Variants in EML1 observed in about 807,000 individuals in gnomAD.
EML1 encodes echinoderm microtubule-associated protein-like 1.
A neutral mutation model predicts 110.4 loss-of-function variants in EML1; 27 were observed. The ratio of observed to expected loss-of-function variants is 0.24; its 90% CI spans 0.18 to 0.34. The LOEUF is 0.34. Ranked by LOEUF, EML1 falls within the 10% of genes least tolerant of loss-of-function variation. The probability of loss-of-function intolerance (pLI) is 1.00; values close to 1 mark genes in which losing one functional copy is unlikely to be tolerated. For synonymous variants in EML1, 344 were observed against 385.8 expected (o/e 0.89, Z 1.27); for missense variants, 741 against 1,030.9 (o/e 0.72, Z 3.85).
At chr14:99,773,368 A>AG (rs1411472962) in exon 1 of EML1, 1 of 152,254 alleles carries the variant, frequency 6.6e-6, no homozygotes, top group Non-Finnish European at 1.5e-5. Flanking sequence ...TTCTGTAGAC[A>AG]GGCACTGGGG....
chr14:99,935,037 G>C (rs139977468), intron 17 of EML1, among the ~76,000 whole-genome samples: 121 of 152,354 alleles, frequency 7.9e-4, no homozygotes, highest in African/African-American at 2.8e-3. Flanking sequence ...GAGTGCAGAG[G>C]CCTGAGTGAA....
At chr14:99,832,697 C>T (rs1459259702) in intron 1 of EML1, among the ~76,000 whole-genome samples, 1 of 152,126 alleles carries the variant, frequency 6.6e-6, no homozygotes, top group Non-Finnish European at 1.5e-5. Context: ...TCTTTTGCTT[C>T]GTTTTAAAAT....
intron 5 of EML1, among the ~76,000 whole-genome samples, chr14:99,893,174 C>T (rs911866433): frequency 2.0e-5 from 3 of 152,146 alleles, no homozygotes; most frequent in African/African-American, 7.2e-5. Context: ...AGGTCCTGTG[C>T]GGTGAGAGCC....
In EML1 at chr14:99,910,388, A is replaced by G. The variant is rs372862391; in HGVS notation, c.1339+47A>G. 1.4e-5 allele frequency: 21 copies of G among 1,452,180 alleles called. No individual in the cohort carries two copies. The African/African-American group carries it at 3.0e-4, about 21-fold the overall frequency. 90.0% of individuals were successfully genotyped at this position (1,452,180 alleles called of 1,614,324 possible). A position where few individuals can be genotyped will look rare whatever the true frequency, so the allele number is the denominator to read the frequency against. ...AACCAATGGTTTTTGGTAATGTTGTAAGAGATCAAACATGAGTGCTTTAAG... is the reference window on the plus strand; with the variant it reads ...AACCAATGGTTTTTGGTAATGTTGTGAGAGATCAAACATGAGTGCTTTAAG... On this transcript the variant is annotated intron_variant, in intron 12 of 21. Transcript: ENST00000262233.
At chr14:99,825,174 G>A (rs1430346776) in intron 1 of EML1, among the ~76,000 whole-genome samples, 1 of 152,044 alleles carries the variant, frequency 6.6e-6, no homozygotes, top group South Asian at 2.1e-4. Flanking sequence ...TTGTAGAGAT[G>A]GGGGTCTTGC....
At chr14:99,914,417 A>G in intron 14 of EML1, 113 bp downstream of exon 14, 1 of 1,539,496 alleles carries the variant, frequency 6.5e-7, no homozygotes, top group Non-Finnish European at 8.8e-7. Context: ...TCCACCCCAG[A>G]GTGTCTGTGG....
chr14:99,809,581 G>T lies in EML1; in HGVS notation c.67+16038G>T, dbSNP rs115399939. The T allele has an allele frequency of 1.8e-3, 836 of 455,484 alleles. 4 individuals carry two copies. Among genetic ancestry groups the T allele is most frequent in the African/African-American group, 0.015 (749 of 50,190 alleles). 28.2% of individuals were successfully genotyped at this position (455,484 alleles called of 1,614,324 possible). On this transcript the variant is annotated intron_variant, in intron 1 of 21. Transcript: ENST00000262233. ...CTTTCTGGGTCCATCCCAGCCCTGG[G>T]TGTATGGCAGATGCCTTGAGATTTA...
chr14:99,895,073 A>G (rs541120674), intron 6 of EML1, among the ~76,000 whole-genome samples: 19 of 152,050 alleles, frequency 1.2e-4, no homozygotes, highest in African/African-American at 4.1e-4. Context: ...AAGATGTTAT[A>G]TGATTGTATG....
At chr14:99,803,357 A>G (rs771130675) in intron 1 of EML1, among the ~76,000 whole-genome samples, 9 of 152,242 alleles carry the variant, frequency 5.9e-5, no homozygotes, top group South Asian at 2.1e-4. Context: ...CCACATGTGC[A>G]TATAACTGTA....
chr14:99,890,523 C>G (rs1158282406), intron 4 of EML1, among the ~76,000 whole-genome samples: 2 of 152,108 alleles, frequency 1.3e-5, no homozygotes, highest in African/African-American at 4.8e-5. Context: ...GGTGCTTGCT[C>G]CTAGGGATGT....
At chr14:99,874,542 G>A (rs920505691) in intron 3 of EML1, among the ~76,000 whole-genome samples, 2 of 150,966 alleles carry the variant, frequency 1.3e-5, no homozygotes, top group African/African-American at 5.0e-5. Context: ...GTGAGTGTAC[G>A]GTATTGCTCT....
intron 4 of EML1, among the ~76,000 whole-genome samples, chr14:99,884,168 C>A (rs759892443): frequency 1.1e-4 from 16 of 152,314 alleles, no homozygotes; most frequent in Non-Finnish European, 2.2e-4. Flanking sequence ...ACAGTGGCAG[C>A]TGTGAGTGTC....
chr14:99,898,104 C>T (rs1192952395), intron 7 of EML1, 129 bp from the exon 8 acceptor site: 3 of 618,558 alleles, frequency 4.8e-6, no homozygotes, highest in Non-Finnish European at 7.7e-6. Flanking sequence ...GAGAATTTGT[C>T]ATGAGTCTGT....
upstream of EML1, chr14:99,793,390 C>A: frequency 1.0e-6 from 1 of 999,166 alleles, no homozygotes; most frequent in African/African-American, 1.8e-5. Flanking sequence ...AGCGCCAGCG[C>A]CGGTCGCGGT....
rs140411182 is a variant in EML1, at chr14:99,872,395, G to T, written c.384-6090G>T. Among the ~76,000 whole-genome samples the T allele has an allele frequency of 1.1e-3, 170 of 152,332 alleles. 1 individual carries two copies. Among genetic ancestry groups the T allele is most frequent in the African/African-American group, 3.7e-3 (154 of 41,576 alleles). Reference sequence around the variant, plus strand: ...GTTATATCTAAGTGTGTACGTGTGTGTGCTAGCACTTAAATGGTAACCCTC... The same window carrying T: ...GTTATATCTAAGTGTGTACGTGTGTTTGCTAGCACTTAAATGGTAACCCTC... On this transcript the variant is annotated intron_variant, in intron 3 of 21. Coordinates refer to ENST00000262233, the MANE Select transcript of EML1 (RefSeq NM_004434.3).
At chr14:99,866,639 C>T (rs1468890410) in intron 3 of EML1, among the ~76,000 whole-genome samples, 1 of 148,762 alleles carries the variant, frequency 6.7e-6, no homozygotes, top group Non-Finnish European at 1.5e-5. Flanking sequence ...TATTGTTGTG[C>T]AACAGATCTC....
In EML1 at chr14:99,920,889, A is replaced by T. The variant is rs1323648915; in HGVS notation, c.1909+12A>T. On this transcript the variant is annotated intron_variant, in intron 17 of 21. Transcript: ENST00000262233. ...GCGATACTCACCAGGTTAGACTCCA[A>T]ACCATTCACTACTTTATTTTTTTAA... is the stretch of plus-strand genomic sequence containing the variant. 1.3e-6 allele frequency: 2 copies of T among 1,596,640 alleles called. No homozygotes were observed. Among genetic ancestry groups the T allele is most frequent in the South Asian group, 2.2e-5 (2 of 88,998 alleles).
At chr14:99,853,626 G>A (rs1408069497) in intron 2 of EML1, among the ~76,000 whole-genome samples, 3 of 152,088 alleles carry the variant, frequency 2.0e-5, no homozygotes, top group Non-Finnish European at 4.4e-5. Context: ...TAATATTTTG[G>A]CCTGCCATGC....
chr14:99,801,136 A>G (rs998142851), intron 1 of EML1, among the ~76,000 whole-genome samples: 7 of 152,370 alleles, frequency 4.6e-5, no homozygotes, highest in Admixed American at 3.9e-4. Context: ...TCTTCCCACA[A>G]ATAACCTTTG....
Sources: gnomAD v4.1 joint callset for allele counts (sites outside exome capture counted in the v4.1 genomes callset) on GRCh38, gnomAD v4.1.1 for gene constraint, MANE v1.5 for transcripts, NCBI Gene and HGNC (gene_info 2026-07-23, HGNC 2026-07-21) for gene names.